SLC39A11: variants seen among roughly 807,000 people sequenced by gnomAD.
The protein encoded by SLC39A11 is solute carrier family 39 member 11.
A neutral mutation model predicts 36.1 loss-of-function variants in SLC39A11; 33 were observed. That is an observed-to-expected ratio of 0.91 (90% CI 0.69 to 1.22). SLC39A11 has a LOEUF of 1.22. Ranked by LOEUF, SLC39A11 falls within the 50% of genes most tolerant of loss-of-function variation. SLC39A11 has a pLI of 0.00. For synonymous variants in SLC39A11, 166 were observed against 170.3 expected, an observed-to-expected ratio of 0.97 and a Z score of 0.20; for missense variants, 432 against 430.3, an observed-to-expected ratio of 1.00 and a Z score of -0.03.
At chr17:72,917,869 G>A (rs1257659348) in intron 5 of SLC39A11, among the ~76,000 whole-genome samples, 1 of 152,192 alleles carries the variant, frequency 6.6e-6, no homozygotes, top group Non-Finnish European at 1.5e-5. Context: ...CATCTCCTCT[G>A]TGACCACCAG....
intron 5 of SLC39A11, among the ~76,000 whole-genome samples, chr17:72,913,425 G>C (rs1416538918): frequency 4.6e-5 from 7 of 152,182 alleles, no homozygotes. Context: ...AGGAAGTAAA[G>C]AGGAAGGAAA....
intron 7 of SLC39A11, among the ~76,000 whole-genome samples, chr17:72,689,596 A>G (rs2071924445): frequency 6.6e-6 from 1 of 152,244 alleles, no homozygotes; most frequent in South Asian, 2.1e-4. Flanking sequence ...ATGTAGGAGA[A>G]TATTATTCAG....
chr17:72,775,481 G>C (rs376580992), intron 6 of SLC39A11, among the ~76,000 whole-genome samples: 21 of 152,310 alleles, frequency 1.4e-4, no homozygotes, highest in African/African-American at 3.4e-4. Context: ...AAGGTGACTG[G>C]GCTGCAAGGT....
intron 5 of SLC39A11, among the ~76,000 whole-genome samples, chr17:72,883,840 T>C (rs1196251066): frequency 6.6e-6 from 1 of 152,158 alleles, no homozygotes; most frequent in Non-Finnish European, 1.5e-5. Flanking sequence ...GCCTGGTCTT[T>C]AATCCAATTC....
rs974463585 is a variant in SLC39A11 at position 72,706,544 on chromosome 17, G to A, written c.671+30106C>T. Among the ~76,000 whole-genome samples the A allele has an allele frequency of 1.6e-4, 24 of 152,290 alleles. 1 individual carries two copies. Among genetic ancestry groups the A allele is most frequent in the Middle Eastern group, 6.8e-3 (2 of 294 alleles). On this transcript the variant is annotated intron_variant, in intron 7 of 9. Transcript: ENST00000255559. ...ACACATTGCAAGCTTAAAGGGCAGT[G>A]GCAAAACAAATAATTACTGAGCCTG...
intron 6 of SLC39A11, among the ~76,000 whole-genome samples, chr17:72,753,391 T>C (rs2075229814): frequency 6.6e-6 from 1 of 152,354 alleles, no homozygotes; most frequent in African/African-American, 2.4e-5. Context: ...CAGAATATTC[T>C]AATGAATCTA....
At chr17:73,033,863 T>C (rs2058819181) in intron 3 of SLC39A11, among the ~76,000 whole-genome samples, 1 of 152,160 alleles carries the variant, frequency 6.6e-6, no homozygotes, top group South Asian at 2.1e-4. Flanking sequence ...CATAAATCCA[T>C]AAATTCCCTT....
chr17:72,909,540 T>C (rs2082852896), intron 5 of SLC39A11, among the ~76,000 whole-genome samples: 1 of 152,144 alleles, frequency 6.6e-6, no homozygotes, highest in South Asian at 2.1e-4. Context: ...ATTCAGGAAC[T>C]GTCCAAAATC....
intron 4 of SLC39A11, among the ~76,000 whole-genome samples, chr17:73,009,058 C>CAAAAA (rs34448509): frequency 0.038 from 3,003 of 78,612 alleles, 258 homozygotes; most frequent in African/African-American, 0.091. Context: ...AGACCTGCCT[C>CAAAAA]AAAAAAAAAA....
At chr17:73,060,921 C>A (rs9912900) in intron 3 of SLC39A11, among the ~76,000 whole-genome samples, 4 of 152,242 alleles carry the variant, frequency 2.6e-5, no homozygotes, top group African/African-American at 7.2e-5. Flanking sequence ...ATTTTAAGTC[C>A]TGTCACTCAC....
chr17:73,069,224 C>A (rs914663374), intron 3 of SLC39A11, among the ~76,000 whole-genome samples: 1 of 152,218 alleles, frequency 6.6e-6, no homozygotes, highest in African/African-American at 2.4e-5. Flanking sequence ...CTAGAAGTAA[C>A]CTCCCTGTCA....
chr17:72,870,866 A>G (rs967651645), intron 5 of SLC39A11, among the ~76,000 whole-genome samples: 2 of 152,122 alleles, frequency 1.3e-5, no homozygotes, highest in Non-Finnish European at 2.9e-5. Context: ...GCAGGTGGAG[A>G]GGTATGATAC....
At chr17:72,855,679 A>G (rs556580972) in intron 5 of SLC39A11, among the ~76,000 whole-genome samples, 14 of 152,268 alleles carry the variant, frequency 9.2e-5, no homozygotes, top group African/African-American at 2.6e-4. Context: ...GGCAGATCAC[A>G]AGGTCAGAAG....
chr17:72,662,071 G>A (rs1174929769), intron 7 of SLC39A11, among the ~76,000 whole-genome samples: 2 of 152,164 alleles, frequency 1.3e-5, no homozygotes, highest in Non-Finnish European at 2.9e-5. Flanking sequence ...TGTGGTGGGG[G>A]CACACATCTG....
At chr17:72,895,024 T>A (rs1423542776) in intron 5 of SLC39A11, among the ~76,000 whole-genome samples, 6 of 150,952 alleles carry the variant, frequency 4.0e-5, no homozygotes, top group African/African-American at 1.5e-4. Flanking sequence ...GAAACTGATT[T>A]GCTTCATTGA....
chr17:72,793,974 A>G (rs1313525523), intron 6 of SLC39A11, among the ~76,000 whole-genome samples: 1 of 152,172 alleles, frequency 6.6e-6, no homozygotes, highest in Non-Finnish European at 1.5e-5. Context: ...AAGAGTCTTC[A>G]GGTTGAAAGA....
At chr17:72,704,405 A>G (rs1006717695) in intron 7 of SLC39A11, among the ~76,000 whole-genome samples, 3 of 151,898 alleles carry the variant, frequency 2.0e-5, no homozygotes, top group African/African-American at 7.2e-5. Context: ...CCCTTTCTGG[A>G]GAACAGCTCC....
intron 4 of SLC39A11, among the ~76,000 whole-genome samples, chr17:73,014,817 T>C (rs1009761509): frequency 6.6e-6 from 1 of 152,174 alleles, no homozygotes; most frequent in Non-Finnish European, 1.5e-5. Context: ...CATAAGCCCC[T>C]GGCCGGCCTG....
At chr17:72,810,895 G>A (rs1276993608) in intron 6 of SLC39A11, among the ~76,000 whole-genome samples, 2 of 151,916 alleles carry the variant, frequency 1.3e-5, no homozygotes, top group Admixed American at 6.6e-5. Flanking sequence ...CATGTTGGCT[G>A]GGCTGGTCTC....
Sources: gnomAD v4.1 joint callset for allele counts (sites outside exome capture counted in the v4.1 genomes callset) on GRCh38, gnomAD v4.1.1 for gene constraint, MANE v1.5 for transcripts, NCBI Gene and HGNC (gene_info 2026-07-23, HGNC 2026-07-21) for gene names.